KCNB2: variants seen among roughly 807,000 people sequenced by gnomAD.
The protein encoded by KCNB2 is potassium voltage-gated channel subfamily B member 2.
In KCNB2, 15 loss-of-function variants were observed where a neutral mutation model predicts 61.5. The ratio of observed to expected loss-of-function variants is 0.24; its 90% confidence interval spans 0.16 to 0.38. The LOEUF (loss-of-function observed/expected upper bound fraction) is 0.38. Ranked by LOEUF, KCNB2 falls within the 10% of genes least tolerant of loss-of-function variation. The pLI is 1.00. For missense variants in KCNB2, 828 were observed against 1,125.2 expected (o/e 0.74, Z 3.78); for synonymous variants, 457 against 446.0 (o/e 1.02, Z -0.31).
At chr8:72,616,707 A>G (rs1805624761) in intron 2 of KCNB2, among the ~76,000 whole-genome samples, 1 of 152,178 alleles carries the variant, frequency 6.6e-6, no homozygotes, top group South Asian at 2.1e-4. Context: ...CTTCCCATGG[A>G]ATGCAAAGGT....
chr8:72,828,036 C>T (rs1442755883), intron 2 of KCNB2, among the ~76,000 whole-genome samples: 1 of 152,172 alleles, frequency 6.6e-6, no homozygotes, highest in African/African-American at 2.4e-5. Context: ...TGGCCTCAAA[C>T]TCCTGACCTC....
chr8:72,755,133 G>T (rs1000655741), intron 2 of KCNB2, among the ~76,000 whole-genome samples: 1 of 152,036 alleles, frequency 6.6e-6, no homozygotes, highest in African/African-American at 2.4e-5. Flanking sequence ...CAATTGAGGG[G>T]TGTTCTATAA....
intron 2 of KCNB2, among the ~76,000 whole-genome samples, chr8:72,931,492 TCTC>T (rs1563428515): frequency 6.6e-6 from 1 of 152,174 alleles, no homozygotes; most frequent in Non-Finnish European, 1.5e-5. Flanking sequence ...GGTTTGTAGT[TCTC>T]CTTGAAGACG....
intron 2 of KCNB2, among the ~76,000 whole-genome samples, chr8:72,592,694 C>T (rs1029025397): frequency 6.6e-6 from 1 of 152,022 alleles, no homozygotes; most frequent in African/African-American, 2.4e-5. Flanking sequence ...TGAATGTGTA[C>T]GTTGAGATGG....
intron 2 of KCNB2, among the ~76,000 whole-genome samples, chr8:72,621,534 A>G (rs993031746): frequency 6.6e-6 from 1 of 151,940 alleles, no homozygotes; most frequent in Non-Finnish European, 1.5e-5. Context: ...TTAATTATTT[A>G]TTTATAATTT....
In KCNB2 at chr8:72,811,263, G is replaced by T. The variant is rs180710728; in HGVS notation, c.580-124672G>T. Reference sequence around the variant, plus strand: ...ATCCTTTTCTTCTACAACATATATGGTTTCATTTTTTTAAAACATGTAAAT... The same window carrying T: ...ATCCTTTTCTTCTACAACATATATGTTTTCATTTTTTTAAAACATGTAAAT... On this transcript the variant is annotated intron_variant, in intron 2 of 2. Transcript: ENST00000523207. Among the ~76,000 whole-genome samples, 285 of 147,090 alleles carry T rather than the reference G, an allele frequency of 1.9e-3. 9 individuals carry two copies. The East Asian group carries it at 0.052, about 27-fold the overall frequency.
intron 1 of KCNB2, among the ~76,000 whole-genome samples, chr8:72,554,859 T>A (rs1414266817): frequency 6.6e-6 from 1 of 152,064 alleles, no homozygotes; most frequent in Non-Finnish European, 1.5e-5. Flanking sequence ...TCTCTATCCA[T>A]AAGAGAATTG....
rs148085899 is a variant in KCNB2, at chr8:72,605,868, A to G, written c.579+37555A>G. On this transcript the variant is annotated intron_variant, in intron 2 of 2. Transcript: ENST00000523207. Reference sequence around the variant, plus strand: ...ATACACTTTTTAGGCTAACTTTTTGATAGAAGCTGCAAATATGTCACATCC... The same window carrying G: ...ATACACTTTTTAGGCTAACTTTTTGGTAGAAGCTGCAAATATGTCACATCC... Among the ~76,000 whole-genome samples the G allele has an allele frequency of 5.4e-3, 826 of 152,278 alleles. 7 individuals carry two copies. The highest frequency in any genetic ancestry group is 0.019 in the African/African-American group (770 of 41,562).
At chr8:72,739,994 CTT>C (rs1807922348) in intron 2 of KCNB2, among the ~76,000 whole-genome samples, 1 of 152,090 alleles carries the variant, frequency 6.6e-6, no homozygotes, top group Non-Finnish European at 1.5e-5. Flanking sequence ...GATAGCTATA[CTT>C]TGGGCCTAGT....
intron 2 of KCNB2, among the ~76,000 whole-genome samples, chr8:72,716,791 T>C (rs1351732261): frequency 7.2e-5 from 11 of 152,028 alleles, no homozygotes; most frequent in African/African-American, 2.4e-4. Context: ...CTATTCAACA[T>C]AGTGTTGGAA....
At chr8:72,617,170 A>G (rs1271940591) in intron 2 of KCNB2, among the ~76,000 whole-genome samples, 1 of 152,162 alleles carries the variant, frequency 6.6e-6, no homozygotes, top group Non-Finnish European at 1.5e-5. Context: ...CACTTTTCTT[A>G]GCTAGGAGGT....
intron 2 of KCNB2, among the ~76,000 whole-genome samples, chr8:72,789,351 A>T (rs1402777698): frequency 1.3e-5 from 2 of 152,214 alleles, no homozygotes; most frequent in Non-Finnish European, 2.9e-5. Flanking sequence ...GTGAGAATTC[A>T]GTTGTGTCCA....
intron 2 of KCNB2, among the ~76,000 whole-genome samples, chr8:72,850,052 C>A (rs1166346906): frequency 6.6e-6 from 1 of 152,070 alleles, no homozygotes; most frequent in Non-Finnish European, 1.5e-5. Flanking sequence ...GGACACCCAA[C>A]AAATGTTTGT....
intron 2 of KCNB2, among the ~76,000 whole-genome samples, chr8:72,702,678 T>C (rs1291526522): frequency 6.6e-6 from 1 of 152,190 alleles, no homozygotes; most frequent in Non-Finnish European, 1.5e-5. Flanking sequence ...AAAAGTCAGC[T>C]TCCACCAGGA....
chr8:72,920,475 A>ATCTATC (rs10631337), intron 2 of KCNB2, among the ~76,000 whole-genome samples: 4,574 of 58,370 alleles, frequency 0.078, 607 homozygotes, highest in African/African-American at 0.16. Flanking sequence ...CTATCTATCT[A>ATCTATC]TATATATATA....
intron 2 of KCNB2, among the ~76,000 whole-genome samples, chr8:72,579,620 C>T (rs1001730725): frequency 3.3e-5 from 5 of 152,150 alleles, no homozygotes; most frequent in African/African-American, 1.2e-4. Context: ...TTTTACTTTC[C>T]GCTTTCTCGT....
chr8:72,746,683 C>T (rs944570742), intron 2 of KCNB2, among the ~76,000 whole-genome samples: 2 of 152,112 alleles, frequency 1.3e-5, no homozygotes, highest in African/African-American at 4.8e-5. Flanking sequence ...AATGATTGCA[C>T]TGCTCTTTGA....
At chr8:72,585,300 T>A (rs997524089) in intron 2 of KCNB2, among the ~76,000 whole-genome samples, 1 of 152,210 alleles carries the variant, frequency 6.6e-6, no homozygotes, top group Non-Finnish European at 1.5e-5. Context: ...TTCTTCATAA[T>A]ATATAAGTTG....
chr8:72,870,848 G>C (rs1486163356), intron 2 of KCNB2, among the ~76,000 whole-genome samples: 2 of 152,184 alleles, frequency 1.3e-5, no homozygotes, highest in Non-Finnish European at 2.9e-5. Flanking sequence ...GTGGTGCCAT[G>C]CACCTGTGGT....
Sources: allele counts gnomAD v4.1 joint callset (sites outside exome capture counted in the v4.1 genomes callset), GRCh38; gene constraint gnomAD v4.1.1; transcripts MANE v1.5; gene names NCBI Gene and HGNC (gene_info 2026-07-23, HGNC 2026-07-21).